Variants in PAPPA observed in about 807,000 individuals in gnomAD.
PAPPA encodes pappalysin 1.
PAPPA carries 60 observed loss-of-function variants against 164.0 expected under a neutral mutation model. That is an observed-to-expected ratio of 0.37 (90% confidence interval 0.30 to 0.45). PAPPA has a LOEUF of 0.45. PAPPA is among the 20% of genes least tolerant of loss of function. The pLI, the probability that PAPPA is intolerant of heterozygous loss-of-function variation, is 1.00. For missense variants in PAPPA, 1,782 were observed against 2,087.3 expected (o/e 0.85, Z 2.85); for synonymous variants, 875 against 814.1 (o/e 1.07, Z -1.27).
At chr9:116,342,318 T>C (rs1378889450) in intron 13 of PAPPA, among the ~76,000 whole-genome samples, 6 of 152,212 alleles carry the variant, frequency 3.9e-5, no homozygotes, top group Non-Finnish European at 7.3e-5. Flanking sequence ...GGTCTCCACA[T>C]GGTACAATGC....
At chr9:116,307,559 A>G (rs932552664) in intron 10 of PAPPA, among the ~76,000 whole-genome samples, 8 of 152,306 alleles carry the variant, frequency 5.3e-5, no homozygotes, top group Middle Eastern at 3.4e-3. Flanking sequence ...AGACGGTGCC[A>G]TTACATTCCA....
chr9:116,192,103 C>T (rs775595682), intron 2 of PAPPA, among the ~76,000 whole-genome samples: 1 of 152,186 alleles, frequency 6.6e-6, no homozygotes, highest in Non-Finnish European at 1.5e-5. Flanking sequence ...TTGTCATTCT[C>T]TCTGCCTGCC....
intron 15 of PAPPA, among the ~76,000 whole-genome samples, chr9:116,348,940 T>C (rs936311489): frequency 6.6e-6 from 1 of 152,220 alleles, no homozygotes; most frequent in African/African-American, 2.4e-5. Flanking sequence ...TCTTTACTAT[T>C]GGAAATAGTA....
intron 17 of PAPPA, among the ~76,000 whole-genome samples, chr9:116,362,332 G>A (rs1445585753): frequency 1.3e-5 from 2 of 152,244 alleles, no homozygotes; most frequent in East Asian, 3.9e-4. Flanking sequence ...ACTAAGCTCG[G>A]ACTTGGGAGT....
chr9:116,388,197 C>T (rs1453410463), intron 21 of PAPPA, among the ~76,000 whole-genome samples: 4 of 152,120 alleles, frequency 2.6e-5, no homozygotes, highest in Non-Finnish European at 5.9e-5. Flanking sequence ...TGTCCAATTT[C>T]CCACCCAGAC....
chr9:116,367,164 G>A lies in PAPPA; in HGVS notation c.4496-481G>A, dbSNP rs1588022666. On this transcript the variant is annotated intron_variant, in intron 18 of 21. Coordinates refer to ENST00000328252, the MANE Select transcript of PAPPA (RefSeq NM_002581.5). The stretch of plus-strand genomic sequence containing the variant: ...ATTCGGTTATGGGAAGGCAGATTGG[G>A]GGACATTTCAGGAGATGGGATGAAC... Among the ~76,000 whole-genome samples, 4 of 152,310 alleles carry A rather than the reference G, an allele frequency of 2.6e-5. 1 individual carries two copies. The highest frequency in any genetic ancestry group is 9.6e-5 in the African/African-American group (4 of 41,554).
intron 17 of PAPPA, among the ~76,000 whole-genome samples, chr9:116,359,818 GA>G (rs1008551122): frequency 9.2e-5 from 14 of 152,240 alleles, no homozygotes; most frequent in African/African-American, 3.4e-4. Context: ...GATGGAGCTA[GA>G]AATGTCATCT....
chr9:116,187,892 C>T lies in PAPPA; in HGVS notation c.1154C>T (p.Ala385Val), dbSNP rs558894712. The T allele has an allele frequency of 3.7e-6, 6 of 1,614,166 alleles. No individual in the cohort carries two copies. In the East Asian group the frequency reaches 8.9e-5, roughly 24 times the overall value. Residue 385 changes from alanine to valine, a missense_variant, in exon 2 of 22, where the codon GCC becomes GTC. This residue lies in a region of PAPPA where 1,324 missense variants were observed against 1,656.9 expected (regional missense o/e 0.80). Transcript: ENST00000328252. The surrounding 1 kb of genome is among the most constrained non-coding windows in gnomAD (Gnocchi z 4.2). ...TTCCAGCACCATCAGCTGGCTGAGG[C>T]CTTCAAGCAATACAACATCTCCTGG... is the stretch of plus-strand genomic sequence containing the variant. ...VDFQHHQLAE[A>V]FKQYNISWEL...
intron 9 of PAPPA, among the ~76,000 whole-genome samples, chr9:116,274,831 C>T (rs1397200883): frequency 2.0e-5 from 3 of 152,182 alleles, no homozygotes; most frequent in African/African-American, 7.2e-5. Flanking sequence ...ACAACCTAGG[C>T]TTTCCCTCTG....
chr9:116,156,358 A>G (rs1587932072), intron 1 of PAPPA, among the ~76,000 whole-genome samples: 1 of 143,798 alleles, frequency 7.0e-6, no homozygotes, highest in Admixed American at 6.9e-5. Context: ...GTATATATAT[A>G]TATATAACAC....
At chr9:116,301,417 C>A (rs1459131271) in intron 9 of PAPPA, among the ~76,000 whole-genome samples, 1 of 152,194 alleles carries the variant, frequency 6.6e-6, no homozygotes, top group Non-Finnish European at 1.5e-5. Context: ...GGCACCCACA[C>A]AGGAGGTGGT....
intron 9 of PAPPA, among the ~76,000 whole-genome samples, chr9:116,294,749 T>C (rs1036156270): frequency 1.3e-5 from 2 of 152,224 alleles, no homozygotes; most frequent in African/African-American, 4.8e-5. Context: ...ACTGTTGTTA[T>C]TGAACCCATC....
rs145028536 is a variant in PAPPA at position 116,378,792 on chromosome 9, G to A, written c.4677+1145G>A. On this transcript the variant is annotated intron_variant, in intron 20 of 21. Transcript: ENST00000328252. ...AAAACGTAAGCCCAGCTCTTCTAAC[G>A]TCCAGGCTGGTGCTTTTCTCCTGCT... is the stretch of plus-strand genomic sequence containing the variant. Among the ~76,000 whole-genome samples, 589 of 152,218 alleles carry A rather than the reference G, an allele frequency of 3.9e-3. 7 individuals are homozygous for A. Among genetic ancestry groups the A allele is most frequent in the African/African-American group, 0.013 (548 of 41,530 alleles).
At chr9:116,351,686 G>A (rs762079999) in intron 15 of PAPPA, among the ~76,000 whole-genome samples, 6 of 152,122 alleles carry the variant, frequency 3.9e-5, no homozygotes, top group Non-Finnish European at 7.4e-5. Context: ...ACCTCTTTCT[G>A]AGTCTTCATT....
At chr9:116,156,886 C>A (rs1194117525) in intron 1 of PAPPA, among the ~76,000 whole-genome samples, 12 of 152,238 alleles carry the variant, frequency 7.9e-5, no homozygotes, top group Non-Finnish European at 5.9e-5. Context: ...AGAGCCAGGA[C>A]CGAGGTGGGC....
chr9:116,390,295 AG>A (rs2118724316), intron 21 of PAPPA, among the ~76,000 whole-genome samples: 1 of 152,294 alleles, frequency 6.6e-6, no homozygotes, highest in Admixed American at 6.5e-5. Context: ...GACCAGAGAT[AG>A]GGGTGGGAGG....
intron 4 of PAPPA, among the ~76,000 whole-genome samples, chr9:116,216,431 C>T (rs1000515925): frequency 9.2e-5 from 14 of 152,150 alleles, no homozygotes; most frequent in Non-Finnish European, 2.1e-4. Flanking sequence ...CCCAGGGTAC[C>T]GTATCAACAG....
chr9:116,298,851 T>C (rs565732703), intron 9 of PAPPA, among the ~76,000 whole-genome samples: 16 of 150,942 alleles, frequency 1.1e-4, no homozygotes, highest in Non-Finnish European at 1.8e-4. Context: ...ACGGAAGTTA[T>C]TTGACCTTGG....
intron 9 of PAPPA, among the ~76,000 whole-genome samples, chr9:116,296,476 C>T (rs931150555): frequency 1.3e-5 from 2 of 152,192 alleles, no homozygotes; most frequent in Admixed American, 1.3e-4. Flanking sequence ...CCGTGAAGGA[C>T]TCCACAATTC....
Sources: gnomAD v4.1 joint callset for allele counts (sites outside exome capture counted in the v4.1 genomes callset) on GRCh38, gnomAD v4.1.1 for gene constraint, gnomAD v4.1.1 regional missense constraint, Gnocchi (gnomAD v3.1) non-coding constraint, MANE v1.5 for transcripts, NCBI Gene and HGNC (gene_info 2026-07-23, HGNC 2026-07-21) for gene names.